The following SH3KBP1 variants were observed in gnomAD, a reference collection of about 807,000 sequenced individuals.
SH3KBP1 encodes SH3 domain containing kinase binding protein 1, also known as SH3 domain-containing kinase-binding protein 1.
In SH3KBP1, 8 loss-of-function variants were observed where a neutral mutation model predicts 50.1. That is an observed-to-expected ratio of 0.16 (90% confidence interval 0.09 to 0.29). SH3KBP1 has a LOEUF of 0.29. Among genes scored for constraint, SH3KBP1 ranks in the 10% least tolerant of loss-of-function variants. The pLI, the probability that SH3KBP1 is intolerant of heterozygous loss-of-function variation, is 1.00. For missense variants in SH3KBP1, 377 were observed against 535.2 expected (o/e 0.70, Z 2.92); for synonymous variants, 227 against 218.6 (o/e 1.04, Z -0.34).
intron 3 of SH3KBP1, among the ~76,000 whole-genome samples, chrX:19,709,287 G>A (rs1161066753): frequency 8.9e-6 from 1 of 111,869 alleles, no homozygotes; most frequent in African/African-American, 3.3e-5. Flanking sequence ...AGGGCACAGG[G>A]GAGGGACCCA....
At chrX:19,842,567 T>A (rs2068254993) in intron 1 of SH3KBP1, among the ~76,000 whole-genome samples, 2 of 111,274 alleles carry the variant, frequency 1.8e-5, no homozygotes, top group African/African-American at 6.5e-5. Context: ...AAACAATATA[T>A]ATTTAAGAAT....
intron 15 of SH3KBP1, among the ~76,000 whole-genome samples, chrX:19,542,569 C>A (rs932696134): frequency 1.8e-5 from 2 of 111,450 alleles, no homozygotes; most frequent in East Asian, 2.8e-4. Flanking sequence ...GACAGACAGA[C>A]AGACCAACGC....
intron 5 of SH3KBP1, 114 bp downstream of exon 5, chrX:19,695,498 A>C (rs1213062950): frequency 6.3e-6 from 6 of 951,067 alleles, no homozygotes; most frequent in Non-Finnish European, 8.7e-6. Flanking sequence ...CCAAAAAAAT[A>C]CTCGTAAGCG....
At chrX:19,824,245 T>C (rs2067608259) in intron 2 of SH3KBP1, among the ~76,000 whole-genome samples, 1 of 112,555 alleles carries the variant, frequency 8.9e-6, no homozygotes, top group South Asian at 3.6e-4. Context: ...TATTCACTAA[T>C]ATAGCTATTA....
At chrX:19,653,310 T>A (rs1475254282) in intron 6 of SH3KBP1, among the ~76,000 whole-genome samples, 1 of 111,586 alleles carries the variant, frequency 9.0e-6, no homozygotes, top group East Asian at 2.8e-4. Context: ...TAGACAAAGA[T>A]CCTATCCCCA....
At chrX:19,678,823 C>T (rs2062985934) in intron 6 of SH3KBP1, among the ~76,000 whole-genome samples, 3 of 111,217 alleles carry the variant, frequency 2.7e-5, no homozygotes, top group South Asian at 7.6e-4. Flanking sequence ...TTCGCTAAAC[C>T]ACCTATCTGA....
intron 14 of SH3KBP1, among the ~76,000 whole-genome samples, chrX:19,548,209 T>C (rs1409972672): frequency 8.9e-6 from 1 of 111,992 alleles, no homozygotes; most frequent in Non-Finnish European, 1.9e-5. Context: ...CCCAAATACA[T>C]ACGAACTCTC....
chrX:19,670,346 C>G (rs897260711), intron 6 of SH3KBP1: 1 of 751,633 alleles, frequency 1.3e-6, no homozygotes, highest in African/African-American at 2.3e-5. Context: ...CTCCAAATGT[C>G]GGTGACCCTC....
intron 15 of SH3KBP1, among the ~76,000 whole-genome samples, chrX:19,542,760 G>A (rs774408264): frequency 2.1e-4 from 24 of 112,123 alleles, no homozygotes; most frequent in Non-Finnish European, 4.1e-4. Flanking sequence ...AAGCTGCAGC[G>A]GGAGGGAACA....
At chrX:19,709,359 T>C (rs2063725093) in intron 3 of SH3KBP1, among the ~76,000 whole-genome samples, 1 of 111,686 alleles carries the variant, frequency 9.0e-6, no homozygotes, top group Admixed American at 9.5e-5. Flanking sequence ...GCCCTCGCAC[T>C]GGGATAGCTC....
intron 6 of SH3KBP1, among the ~76,000 whole-genome samples, chrX:19,646,377 G>A (rs1041696377): frequency 8.9e-6 from 1 of 111,788 alleles, no homozygotes; most frequent in Non-Finnish European, 1.9e-5. Flanking sequence ...CAGATCCATT[G>A]GTTCCCAAGG....
At chrX:19,707,054 T>A in intron 3 of SH3KBP1, 70 bp from the exon 4 acceptor site, 1 of 915,872 alleles carries the variant, frequency 1.1e-6, no homozygotes, top group Non-Finnish European at 1.6e-6. Context: ...AGAGGCTTCC[T>A]AGGCATGCAG....
At chrX:19,554,634 TCA>T (rs1283853435) in intron 13 of SH3KBP1, among the ~76,000 whole-genome samples, 1 of 109,944 alleles carries the variant, frequency 9.1e-6, no homozygotes, top group East Asian at 2.8e-4. Context: ...ACTCCTGACC[TCA>T]GGTGATCCAC....
rs1009651397 is a variant in SH3KBP1, at chrX:19,619,477, T to A, written c.898-11432A>T. On this transcript the variant is annotated intron_variant, in intron 8 of 17. Coordinates refer to ENST00000397821, the MANE Select transcript of SH3KBP1 (RefSeq NM_031892.3). The stretch of plus-strand genomic sequence containing the variant: ...AGCTAGCACTTTTACATTTTTTTCC[T>A]GTCCATTTAAATATAATCAAGTATG... Among the ~76,000 whole-genome samples the A allele has an allele frequency of 7.1e-5, 8 of 112,020 alleles. 1 individual carries two copies. The highest frequency in any genetic ancestry group is 2.6e-4 in the African/African-American group (8 of 30,841).
At chrX:19,800,194 G>A (rs767083037) in intron 2 of SH3KBP1, among the ~76,000 whole-genome samples, 1 of 111,978 alleles carries the variant, frequency 8.9e-6, no homozygotes, top group African/African-American at 3.2e-5. Context: ...ACTTACATGT[G>A]GACAAACCTC....
chrX:19,695,005 G>A (rs771715244), intron 5 of SH3KBP1: 71 of 1,198,484 alleles, frequency 5.9e-5, no homozygotes, highest in Non-Finnish European at 7.3e-5. Flanking sequence ...CTTTTGCTCC[G>A]TGAGCTGGAA....
chrX:19,874,272 G>A (rs1037959589), intron 1 of SH3KBP1, among the ~76,000 whole-genome samples: 4 of 97,809 alleles, frequency 4.1e-5, no homozygotes, highest in African/African-American at 1.6e-4. Flanking sequence ...GTGGGAAGGA[G>A]GAGGAAGTGC....
intron 1 of SH3KBP1, among the ~76,000 whole-genome samples, chrX:19,873,550 T>C (rs2069135475): frequency 9.5e-6 from 1 of 105,395 alleles, no homozygotes; most frequent in Non-Finnish European, 1.9e-5. Context: ...CAGGCACCTG[T>C]AATCCCAGCT....
intron 6 of SH3KBP1, among the ~76,000 whole-genome samples, chrX:19,659,161 C>G (rs2062383595): frequency 1.1e-5 from 1 of 93,476 alleles, no homozygotes; most frequent in Non-Finnish European, 2.1e-5. Context: ...ATCGCCCAGG[C>G]TGGAGTGCAA....
Sources: allele counts gnomAD v4.1 joint callset (sites outside exome capture counted in the v4.1 genomes callset), GRCh38; gene constraint gnomAD v4.1.1; transcripts MANE v1.5; gene names NCBI Gene and HGNC (gene_info 2026-07-23, HGNC 2026-07-21).